DLG1: variants seen among roughly 807,000 people sequenced by gnomAD.
The protein encoded by DLG1 is discs large MAGUK scaffold protein 1.
Under a neutral mutation model 123.4 loss-of-function variants are expected in DLG1, and 42 were observed. The ratio of observed to expected loss-of-function variants is 0.34; its 90% CI spans 0.27 to 0.44. The LOEUF (loss-of-function observed/expected upper bound fraction) is 0.44. Among genes scored for constraint, DLG1 ranks in the 20% least tolerant of loss-of-function variants. The pLI, the probability that DLG1 is intolerant of heterozygous loss-of-function variation, is 1.00. For missense variants in DLG1, 942 were observed against 1,082.6 expected, an observed-to-expected ratio of 0.87 and a Z score of 1.82; for synonymous variants, 317 against 356.2, an observed-to-expected ratio of 0.89 and a Z score of 1.24.
At chr3:197,188,317 G>C (rs1012057662) in intron 5 of DLG1, among the ~76,000 whole-genome samples, 1 of 152,020 alleles carries the variant, frequency 6.6e-6, no homozygotes, top group Non-Finnish European at 1.5e-5. Flanking sequence ...ATGTCAACTT[G>C]CTTTTTTCAG....
At chr3:197,122,066 A>G (rs1019015639) in intron 11 of DLG1, among the ~76,000 whole-genome samples, 7 of 152,042 alleles carry the variant, frequency 4.6e-5, no homozygotes, top group Non-Finnish European at 1.0e-4. Context: ...CGTTAAGTTC[A>G]TGCTTGTGAA....
chr3:197,238,781 T>C (rs1578513751), intron 4 of DLG1, among the ~76,000 whole-genome samples: 1 of 152,108 alleles, frequency 6.6e-6, no homozygotes, highest in East Asian at 1.9e-4. Context: ...TATTTACATA[T>C]GAATGAACAC....
chr3:197,094,282 T>A (rs1759399581), intron 14 of DLG1, among the ~76,000 whole-genome samples: 3 of 152,206 alleles, frequency 2.0e-5, no homozygotes, highest in Admixed American at 6.5e-5. Context: ...AAGGCTGTTT[T>A]AACCTATTAA....
At chr3:197,121,887 T>C (rs1334453227) in intron 11 of DLG1, among the ~76,000 whole-genome samples, 1 of 142,072 alleles carries the variant, frequency 7.0e-6, no homozygotes, top group East Asian at 2.1e-4. Context: ...AGAAAGAAAA[T>C]CTGAACATTC....
intron 5 of DLG1, among the ~76,000 whole-genome samples, chr3:197,171,262 C>CG (rs1217600426): frequency 6.6e-6 from 1 of 152,086 alleles, no homozygotes; most frequent in African/African-American, 2.4e-5. Context: ...CTGTACTCAA[C>CG]GGGGGCCCAG....
chr3:197,141,535 C>T (rs1391469558), intron 7 of DLG1, among the ~76,000 whole-genome samples: 1 of 152,152 alleles, frequency 6.6e-6, no homozygotes, highest in African/African-American at 2.4e-5. Context: ...AAGAGACTCT[C>T]TCAGATTTAT....
intron 22 of DLG1, among the ~76,000 whole-genome samples, chr3:197,064,942 G>T (rs775470524): frequency 6.6e-6 from 1 of 151,768 alleles, no homozygotes; most frequent in Non-Finnish European, 1.5e-5. Flanking sequence ...CAGTAGCTAG[G>T]ACTGTAAGGG....
intron 6 of DLG1, among the ~76,000 whole-genome samples, chr3:197,143,453 T>C (rs1368081791): frequency 6.6e-6 from 1 of 152,166 alleles, no homozygotes; most frequent in Non-Finnish European, 1.5e-5. Context: ...AGATGGGGTT[T>C]CACCGTGTTA....
chr3:197,123,699 C>G (rs551573582), intron 11 of DLG1, among the ~76,000 whole-genome samples: 1 of 152,272 alleles, frequency 6.6e-6, no homozygotes, highest in East Asian at 1.9e-4. Flanking sequence ...GGAGACTAAA[C>G]ATATGCCTAC....
chr3:197,203,319 T>C (rs1467717308), intron 4 of DLG1, among the ~76,000 whole-genome samples: 3 of 152,140 alleles, frequency 2.0e-5, no homozygotes, highest in Admixed American at 6.5e-5. Context: ...CTTAGAAAAC[T>C]GTGTCATAGT....
At chr3:197,248,565 G>C (rs938400900) in intron 4 of DLG1, among the ~76,000 whole-genome samples, 1 of 152,192 alleles carries the variant, frequency 6.6e-6, no homozygotes, top group African/African-American at 2.4e-5. Flanking sequence ...GCCTGCATCA[G>C]TTACAATCAC....
intron 6 of DLG1, among the ~76,000 whole-genome samples, chr3:197,144,535 A>G (rs1789709615): frequency 6.6e-6 from 1 of 152,332 alleles, no homozygotes; most frequent in Middle Eastern, 3.4e-3. Flanking sequence ...TAAGCCCCTA[A>G]GCTTCAGGGT....
At position 197,138,300 on chromosome 3, in the gene DLG1, T is replaced by C. The variant is rs776911663; in HGVS notation, c.805A>G (p.Ile269Val). 1.6e-5 allele frequency: 26 copies of C among 1,604,156 alleles called. No individual in the cohort carries two copies. The highest frequency in any genetic ancestry group is 2.0e-5 in the Non-Finnish European group (24 of 1,173,444). The change falls in exon 9 of 25, where the codon ATT becomes GTT. Residue 269 changes from isoleucine to valine, a missense_variant. Coordinates refer to ENST00000667157, the MANE Select transcript of DLG1 (RefSeq NM_001366207.1). The stretch of plus-strand genomic sequence containing the variant: ...CTTCTTTTTACATACAAGCGTACAA[T>C]AGACCCTGCTTCTTTCAACGCTTCA... ...AVEALKEAGS[I>V]VRLYVKRRKP... is the part of the protein sequence containing the mutation.
chr3:197,190,425 T>A (rs1160652484), intron 5 of DLG1, among the ~76,000 whole-genome samples: 1 of 152,164 alleles, frequency 6.6e-6, no homozygotes, highest in Non-Finnish European at 1.5e-5. Context: ...GCCCTCTGTA[T>A]ACTTGGGTTT....
At chr3:197,288,116 A>G (rs1772716079) in intron 3 of DLG1, among the ~76,000 whole-genome samples, 1 of 152,148 alleles carries the variant, frequency 6.6e-6, no homozygotes, top group African/African-American at 2.4e-5. Flanking sequence ...CTGTAATCCC[A>G]GCACTTTGGG....
chr3:197,184,517 C>T (rs989174881), intron 5 of DLG1, among the ~76,000 whole-genome samples: 2 of 152,144 alleles, frequency 1.3e-5, no homozygotes, highest in Non-Finnish European at 2.9e-5. Flanking sequence ...CTAACGATAG[C>T]GCTTCATTAC....
chr3:197,073,386 G>A (rs1024935416), intron 18 of DLG1, among the ~76,000 whole-genome samples: 1 of 152,126 alleles, frequency 6.6e-6, no homozygotes, highest in Non-Finnish European at 1.5e-5. Context: ...TTACTTCTGA[G>A]CACCTTATGT....
intron 4 of DLG1, among the ~76,000 whole-genome samples, chr3:197,236,583 T>C (rs1417448928): frequency 2.0e-5 from 3 of 152,256 alleles, no homozygotes; most frequent in Non-Finnish European, 4.4e-5. Context: ...TCAGTGTTTA[T>C]GGGACTCAAC....
intron 3 of DLG1, among the ~76,000 whole-genome samples, chr3:197,294,428 C>T (rs1307484364): frequency 2.6e-5 from 4 of 152,016 alleles, no homozygotes; most frequent in East Asian, 1.9e-4. Flanking sequence ...GGGTGGATCA[C>T]GAGGTCAGGA....
Sources: allele counts gnomAD v4.1 joint callset (sites outside exome capture counted in the v4.1 genomes callset), GRCh38; gene constraint gnomAD v4.1.1; transcripts MANE v1.5; gene names NCBI Gene and HGNC (gene_info 2026-07-23, HGNC 2026-07-21).